Variants in EYS observed in about 807,000 individuals in gnomAD.
EYS encodes EGF-like photoreceptor maintenance factor.
In EYS, 250 loss-of-function variants were observed where a neutral mutation model predicts 282.1. The observed-to-expected ratio is 0.89, with a 90% CI of 0.80 to 0.98. The LOEUF (loss-of-function observed/expected upper bound fraction) is 0.98, where lower values mean the gene tolerates loss of function less well. Ranked by LOEUF, EYS falls within the 50% of genes least tolerant of loss-of-function variation. EYS has a pLI of 0.00. For synonymous variants in EYS, 1,355 were observed against 1,282.9 expected, an observed-to-expected ratio of 1.06 and a Z score of -1.20; for missense variants, 4,016 against 3,709.0, an observed-to-expected ratio of 1.08 and a Z score of -2.15.
At chr6:64,408,327 A>G (rs895566462) in intron 28 of EYS, among the ~76,000 whole-genome samples, 3 of 152,166 alleles carry the variant, frequency 2.0e-5, no homozygotes, top group African/African-American at 7.2e-5. Flanking sequence ...AAAGAAAGAA[A>G]AACATTAAGT....
chr6:63,810,083 A>G lies in EYS; in HGVS notation c.7229-3711T>C, dbSNP rs570334672. On this transcript the variant is annotated intron_variant, in intron 36 of 42. Transcript: ENST00000503581. ...CGTGAAACCCCGCCTCTACTTTAAA[A>G]AAAAAAAAAAGAAAAAAGAAAAAGA... Among the ~76,000 whole-genome samples, 447 of 151,134 alleles carry G rather than the reference A, an allele frequency of 3.0e-3. 3 individuals are homozygous for G. Among genetic ancestry groups the G allele is most frequent in the African/African-American group, 0.01 (434 of 41,334 alleles).
intron 14 of EYS, among the ~76,000 whole-genome samples, chr6:64,964,427 G>A (rs998032753): frequency 2.0e-5 from 3 of 151,846 alleles, no homozygotes; most frequent in African/African-American, 7.3e-5. Context: ...TTAGCTTTAT[G>A]TTATTACTAT....
chr6:64,034,361 G>A (rs552645116), intron 33 of EYS, among the ~76,000 whole-genome samples: 2 of 152,252 alleles, frequency 1.3e-5, no homozygotes, highest in South Asian at 4.1e-4. Context: ...ATAACCTCCA[G>A]ATGTAGGCAA....
intron 22 of EYS, among the ~76,000 whole-genome samples, chr6:64,687,723 T>C (rs1770209529): frequency 6.6e-6 from 1 of 152,242 alleles, no homozygotes; most frequent in African/African-American, 2.4e-5. Flanking sequence ...ATCAGCATGA[T>C]GCTGGCCTCA....
intron 26 of EYS, among the ~76,000 whole-genome samples, chr6:64,476,908 T>C (rs1027457972): frequency 6.6e-6 from 1 of 152,158 alleles, no homozygotes; most frequent in African/African-American, 2.4e-5. Context: ...AGTTATAGTT[T>C]TATGAAATGC....
intron 2 of EYS, among the ~76,000 whole-genome samples, chr6:65,615,562 G>GAT (rs1766160595): frequency 1.3e-5 from 2 of 151,848 alleles, no homozygotes; most frequent in African/African-American, 2.4e-5. Flanking sequence ...CTTGAGACCA[G>GAT]ATATATATAT....
At chr6:64,825,374 C>A (rs958735202) in intron 19 of EYS, among the ~76,000 whole-genome samples, 3 of 151,756 alleles carry the variant, frequency 2.0e-5, no homozygotes, top group Admixed American at 1.3e-4. Context: ...TCTATTTCTC[C>A]ATGACAAGCT....
intron 18 of EYS, among the ~76,000 whole-genome samples, chr6:64,889,257 C>A (rs1227653559): frequency 6.6e-6 from 1 of 151,792 alleles, no homozygotes; most frequent in East Asian, 1.9e-4. Flanking sequence ...TTTTCATTAT[C>A]TTAAATATAC....
At chr6:64,756,964 T>C (rs552530131) in intron 22 of EYS, among the ~76,000 whole-genome samples, 7 of 152,062 alleles carry the variant, frequency 4.6e-5, no homozygotes, top group Non-Finnish European at 8.8e-5. Context: ...AGAGTCACTT[T>C]GGCCTTAGGC....
rs943820432 is a variant in EYS at position 63,984,753 on chromosome 6, A to G, written c.6835-150T>C. ...ATTGTTGGCTAGTTTTGTCACTTCT[A>G]CTAGGTGGGGAGATAGACTGTTTTA... On this transcript the variant is annotated intron_variant, in intron 34 of 42. Coordinates refer to ENST00000503581, the MANE Select transcript of EYS (RefSeq NM_001142800.2). 2.0e-5 allele frequency: 13 copies of G among 656,836 alleles called. No homozygotes were observed. The African/African-American group carries it at 2.0e-4, about 10-fold the overall frequency. 40.7% of individuals were successfully genotyped at this position (656,836 alleles called of 1,614,324 possible). A position where few individuals can be genotyped will look rare whatever the true frequency, so the allele number is the denominator to read the frequency against.
intron 29 of EYS, among the ~76,000 whole-genome samples, chr6:64,377,222 T>C (rs1772589814): frequency 6.6e-6 from 1 of 152,170 alleles, no homozygotes; most frequent in Admixed American, 6.5e-5. Context: ...AAGATCTTTT[T>C]CAGAATATGA....
chr6:63,989,171 CTT>C (rs1224118771), intron 34 of EYS, among the ~76,000 whole-genome samples: 14 of 151,612 alleles, frequency 9.2e-5, no homozygotes, highest in Non-Finnish European at 1.5e-5. Context: ...GCGCACTTGT[CTT>C]TAAGATTATG....
At chr6:64,452,298 C>A (rs1055066113) in intron 26 of EYS, among the ~76,000 whole-genome samples, 84 of 152,180 alleles carry the variant, frequency 5.5e-4, no homozygotes, top group Non-Finnish European at 1.1e-3. Flanking sequence ...ATCCAACTTA[C>A]AAGGGATGTG....
intron 5 of EYS, among the ~76,000 whole-genome samples, chr6:65,443,100 T>C (rs902970462): frequency 2.0e-5 from 3 of 151,544 alleles, no homozygotes; most frequent in African/African-American, 4.8e-5. Flanking sequence ...TGCATATGCA[T>C]ATACATATAT....
chr6:65,560,316 T>A (rs902989317), intron 2 of EYS, among the ~76,000 whole-genome samples: 30 of 127,026 alleles, frequency 2.4e-4, no homozygotes, highest in Non-Finnish European at 4.5e-4. Flanking sequence ...TATAATATAT[T>A]ATTAATATAA....
At chr6:64,766,649 A>AAAAAT (rs1387919586) in intron 22 of EYS, among the ~76,000 whole-genome samples, 2 of 19,050 alleles carry the variant, frequency 1.0e-4, no homozygotes, top group African/African-American at 3.6e-4. Flanking sequence ...AAAAAAAAAA[A>AAAAAT]ATATATATAT....
chr6:64,989,579 G>A (rs1402178426), intron 14 of EYS, among the ~76,000 whole-genome samples: 3 of 132,204 alleles, frequency 2.3e-5, no homozygotes, highest in South Asian at 2.3e-4. Context: ...ACTATGTAAT[G>A]TATAAAAATT....
intron 9 of EYS, among the ~76,000 whole-genome samples, chr6:65,348,942 A>G (rs1207305313): frequency 1.3e-5 from 2 of 151,520 alleles, no homozygotes; most frequent in African/African-American, 2.4e-5. Flanking sequence ...CAAATTTACA[A>G]AGCATTTCTC....
At chr6:64,883,516 C>A (rs1766990798) in intron 19 of EYS, among the ~76,000 whole-genome samples, 1 of 151,170 alleles carries the variant, frequency 6.6e-6, no homozygotes, top group African/African-American at 2.4e-5. Context: ...AGTCCTTAAG[C>A]ACAAGTTCAT....
Sources: allele counts gnomAD v4.1 joint callset (sites outside exome capture counted in the v4.1 genomes callset), GRCh38; gene constraint gnomAD v4.1.1; transcripts MANE v1.5; gene names NCBI Gene and HGNC (gene_info 2026-07-23, HGNC 2026-07-21).